LRRC4C: variants seen among roughly 807,000 people sequenced by gnomAD.
The protein encoded by LRRC4C is leucine rich repeat containing 4C, also known as leucine-rich repeat-containing protein 4C.
A neutral mutation model predicts 33.6 loss-of-function variants in LRRC4C; 5 were observed. The observed-to-expected ratio is 0.15, with a 90% CI of 0.08 to 0.31. LRRC4C has a LOEUF of 0.31. Ranked by LOEUF, LRRC4C falls within the 10% of genes least tolerant of loss-of-function variation. The pLI, the probability that LRRC4C is intolerant of heterozygous loss-of-function variation, is 1.00. For synonymous variants in LRRC4C, 329 were observed against 302.0 expected (o/e 1.09, Z -0.93); for missense variants, 560 against 796.7 (o/e 0.70, Z 3.58).
chr11:40,499,229 C>T (rs533664178), intron 3 of LRRC4C, among the ~76,000 whole-genome samples: 3 of 152,112 alleles, frequency 2.0e-5, no homozygotes, highest in Non-Finnish European at 4.4e-5. Context: ...CAGCATGTCT[C>T]GGCTGTGCTG....
At chr11:41,127,070 T>A (rs924749083) in intron 1 of LRRC4C, among the ~76,000 whole-genome samples, 2 of 152,128 alleles carry the variant, frequency 1.3e-5, no homozygotes, top group Admixed American at 6.5e-5. Flanking sequence ...ATTAAAGCAT[T>A]GAGTAAATAC....
intron 3 of LRRC4C, among the ~76,000 whole-genome samples, chr11:40,436,114 T>C (rs1951128159): frequency 6.6e-6 from 1 of 152,196 alleles, no homozygotes; most frequent in African/African-American, 2.4e-5. Flanking sequence ...GGAATATCTG[T>C]AGGTCATAAT....
chr11:41,007,210 A>T (rs367978191), intron 1 of LRRC4C, among the ~76,000 whole-genome samples: 12 of 150,742 alleles, frequency 8.0e-5, no homozygotes, highest in African/African-American at 2.9e-4. Context: ...GAGAATCAAA[A>T]ATCTAGAAAA....
chr11:41,147,751 T>C (rs1322866714), intron 1 of LRRC4C, among the ~76,000 whole-genome samples: 1 of 152,168 alleles, frequency 6.6e-6, no homozygotes, highest in East Asian at 1.9e-4. Flanking sequence ...TAATCAGACA[T>C]TTATCAAAGA....
At chr11:40,828,812 C>T (rs1310657496) in intron 2 of LRRC4C, among the ~76,000 whole-genome samples, 1 of 151,832 alleles carries the variant, frequency 6.6e-6, no homozygotes, top group African/African-American at 2.4e-5. Context: ...TATTAAGTAT[C>T]TTAGAATGAC....
At chr11:40,637,666 C>T (rs574183868) in intron 3 of LRRC4C, among the ~76,000 whole-genome samples, 10 of 152,262 alleles carry the variant, frequency 6.6e-5, no homozygotes, top group African/African-American at 2.2e-4. Flanking sequence ...CTTTAATCAT[C>T]TCACACATTA....
At chr11:41,162,031 C>A (rs1427008209) in intron 1 of LRRC4C, among the ~76,000 whole-genome samples, 1 of 152,118 alleles carries the variant, frequency 6.6e-6, no homozygotes, top group East Asian at 1.9e-4. Flanking sequence ...ATAGTCTTGG[C>A]TTATCTGGCG....
chr11:40,924,930 C>A (rs1047755849), intron 2 of LRRC4C, among the ~76,000 whole-genome samples: 1 of 152,142 alleles, frequency 6.6e-6, no homozygotes, highest in Non-Finnish European at 1.5e-5. Flanking sequence ...TTACTTCTGT[C>A]ATTGTTTGAT....
chr11:41,239,740 G>A (rs1266928323), intron 1 of LRRC4C, among the ~76,000 whole-genome samples: 1 of 151,922 alleles, frequency 6.6e-6, no homozygotes, highest in African/African-American at 2.4e-5. Flanking sequence ...GAGTTCCAAG[G>A]TCAGGGATTT....
At chr11:41,004,760 A>G (rs1016515212) in intron 1 of LRRC4C, among the ~76,000 whole-genome samples, 4 of 114,948 alleles carry the variant, frequency 3.5e-5, no homozygotes, top group African/African-American at 9.2e-5. Context: ...ACATGTTCTC[A>G]GGACCTCCTG....
At chr11:40,325,639 A>G (rs1289884928) in intron 3 of LRRC4C, among the ~76,000 whole-genome samples, 2 of 152,132 alleles carry the variant, frequency 1.3e-5, no homozygotes, top group Admixed American at 6.6e-5. Flanking sequence ...AAAGAAAAAA[A>G]AAAAAGAAAC....
At chr11:40,473,390 T>A (rs764794807) in intron 3 of LRRC4C, among the ~76,000 whole-genome samples, 9 of 152,144 alleles carry the variant, frequency 5.9e-5, no homozygotes, top group Non-Finnish European at 1.3e-4. Flanking sequence ...AGGCCTTCCA[T>A]AAAATTAAAC....
intron 3 of LRRC4C, among the ~76,000 whole-genome samples, chr11:40,553,857 T>C (rs1957224217): frequency 6.6e-6 from 1 of 152,254 alleles, no homozygotes; most frequent in South Asian, 2.1e-4. Context: ...GTTGGATGCA[T>C]AGTTTACAAA....
At chr11:40,503,449 C>T (rs564295170) in intron 3 of LRRC4C, among the ~76,000 whole-genome samples, 3 of 152,276 alleles carry the variant, frequency 2.0e-5, no homozygotes, top group Non-Finnish European at 2.9e-5. Context: ...AACATACTGT[C>T]TAACCAATTT....
intron 1 of LRRC4C, among the ~76,000 whole-genome samples, chr11:41,055,723 T>C (rs1324986313): frequency 2.6e-5 from 4 of 152,120 alleles, no homozygotes; most frequent in Non-Finnish European, 5.9e-5. Context: ...TTTTGTGGGA[T>C]AACATTCTTT....
In LRRC4C at chr11:40,553,967, A is replaced by G. The variant is rs180908898; in HGVS notation, c.-270+94175T>C. On this transcript the variant is annotated intron_variant, in intron 3 of 6. Coordinates refer to ENST00000528697, the MANE Select transcript of LRRC4C (RefSeq NM_001258419.2). ...TAGTTTAATTAGGTCCCAATTGTCA[A>G]TTTTTGGTTTTGTTCCATTTGCTTT... 2.1e-4 allele frequency among the ~76,000 whole-genome samples: 32 copies of G among 152,146 alleles called. 1 individual carries two copies. Among genetic ancestry groups the G allele is most frequent in the Admixed American group, 4.6e-4 (7 of 15,278 alleles).
intron 1 of LRRC4C, among the ~76,000 whole-genome samples, chr11:41,039,743 G>A (rs1857312942): frequency 6.6e-6 from 1 of 152,132 alleles, no homozygotes; most frequent in African/African-American, 2.4e-5. Context: ...AACCCTTTTA[G>A]AGGAGGTTAT....
At position 40,768,576 on chromosome 11, in the gene LRRC4C, G is replaced by A. The variant is rs143556776; in HGVS notation, c.-406-120298C>T. On this transcript the variant is annotated intron_variant, in intron 2 of 6. Transcript: ENST00000528697. ...GCCAATATCCTTTGTGAACACTGAT[G>A]CAAAAATCCTCAATAAAACACTGAC... 2.8e-3 allele frequency among the ~76,000 whole-genome samples: 424 copies of A among 152,150 alleles called. 2 individuals carry two copies. Among genetic ancestry groups the A allele is most frequent in the African/African-American group, 9.0e-3 (373 of 41,516 alleles).
chr11:40,732,464 G>A (rs1000114864), intron 2 of LRRC4C, among the ~76,000 whole-genome samples: 1 of 152,150 alleles, frequency 6.6e-6, no homozygotes, highest in African/African-American at 2.4e-5. Flanking sequence ...AGAAGTTAAA[G>A]TGACACTAAG....
Sources: allele counts gnomAD v4.1 joint callset (sites outside exome capture counted in the v4.1 genomes callset), GRCh38; gene constraint gnomAD v4.1.1; transcripts MANE v1.5; gene names NCBI Gene and HGNC (gene_info 2026-07-23, HGNC 2026-07-21).